EPSTI1: variants seen among roughly 807,000 people sequenced by gnomAD.
The protein encoded by EPSTI1 is epithelial-stromal interaction protein 1.
EPSTI1 carries 66 observed loss-of-function variants against 49.9 expected under a neutral mutation model. That is an observed-to-expected ratio of 1.32 (90% CI 1.08 to 1.62). EPSTI1 has a LOEUF of 1.62. EPSTI1 is among the 40% of genes most tolerant of loss of function. The pLI is 0.00. For synonymous variants in EPSTI1, 137 were observed against 130.7 expected (o/e 1.05, Z -0.33); for missense variants, 394 against 365.5 (o/e 1.08, Z -0.64).
At chr13:42,909,504 C>T (rs1261987777) in intron 8 of EPSTI1, among the ~76,000 whole-genome samples, 1 of 152,178 alleles carries the variant, frequency 6.6e-6, no homozygotes, top group Admixed American at 6.5e-5. Flanking sequence ...TATTGCAGTA[C>T]TGTTCACAAT....
At chr13:42,965,071 G>T (rs1210309925) in intron 3 of EPSTI1, among the ~76,000 whole-genome samples, 2 of 152,148 alleles carry the variant, frequency 1.3e-5, no homozygotes, top group Non-Finnish European at 2.9e-5. Flanking sequence ...GTTTGGTGTT[G>T]GCCCTTTGAC....
intron 10 of EPSTI1, among the ~76,000 whole-genome samples, chr13:42,888,883 G>A (rs906705230): frequency 2.0e-5 from 3 of 152,280 alleles, no homozygotes; most frequent in East Asian, 1.9e-4. Flanking sequence ...GTAGGGTTAC[G>A]CTGTATTATA....
At chr13:42,896,232 T>TA (rs1384790714) in intron 9 of EPSTI1, among the ~76,000 whole-genome samples, 1 of 152,174 alleles carries the variant, frequency 6.6e-6, no homozygotes, top group Admixed American at 6.5e-5. Flanking sequence ...CCATAAAATC[T>TA]ACCCAAGTGC....
chr13:42,976,832 A>T (rs2039891142), intron 1 of EPSTI1, among the ~76,000 whole-genome samples: 1 of 152,200 alleles, frequency 6.6e-6, no homozygotes, highest in Admixed American at 6.5e-5. Flanking sequence ...CCACAATTAC[A>T]ATTTTATTTG....
intron 5 of EPSTI1, among the ~76,000 whole-genome samples, chr13:42,962,776 T>C (rs901479975): frequency 6.6e-6 from 1 of 150,976 alleles, no homozygotes; most frequent in Non-Finnish European, 1.5e-5. Flanking sequence ...TGAGACCCCG[T>C]CTCAAAAAAA....
intron 7 of EPSTI1, among the ~76,000 whole-genome samples, chr13:42,920,152 C>G (rs537031875): frequency 4.7e-4 from 72 of 152,260 alleles, no homozygotes; most frequent in African/African-American, 1.7e-3. Context: ...AAGATGCTAT[C>G]TCTGAATAAG....
intron 8 of EPSTI1, among the ~76,000 whole-genome samples, chr13:42,901,538 T>A (rs1169892176): frequency 2.0e-5 from 3 of 152,172 alleles, no homozygotes; most frequent in Admixed American, 6.5e-5. Context: ...CAATAAGCAT[T>A]TGTTATACAC....
intron 6 of EPSTI1, among the ~76,000 whole-genome samples, chr13:42,949,354 C>T (rs1235567882): frequency 6.6e-6 from 1 of 152,130 alleles, no homozygotes; most frequent in East Asian, 1.9e-4. Context: ...CTTTGGGAGG[C>T]CGAGGCAGGT....
chr13:42,978,438 CT>C (rs1254413616), intron 1 of EPSTI1, among the ~76,000 whole-genome samples: 1 of 152,144 alleles, frequency 6.6e-6, no homozygotes, highest in Non-Finnish European at 1.5e-5. Context: ...TCTGATTCGC[CT>C]TTCCAAAGAA....
At chr13:42,929,900 A>C (rs1324495127) in intron 6 of EPSTI1, among the ~76,000 whole-genome samples, 2 of 152,198 alleles carry the variant, frequency 1.3e-5, no homozygotes, top group East Asian at 3.8e-4. Context: ...ATAGAACAAT[A>C]GTTTCCAGAA....
intron 10 of EPSTI1, 99 bp from the exon 11 acceptor site, chr13:42,888,601 A>G (rs1187518148): frequency 3.6e-5 from 46 of 1,269,398 alleles, no homozygotes; most frequent in Middle Eastern, 2.6e-4. Flanking sequence ...GCTCTTATGC[A>G]TCAAGCTGAA....
intron 1 of EPSTI1, among the ~76,000 whole-genome samples, chr13:42,979,263 G>T (rs116543064): frequency 0.011 from 1,638 of 152,254 alleles, 27 homozygotes; most frequent in African/African-American, 0.036. Flanking sequence ...ACCTAAAATT[G>T]TATTTCCCCC....
intron 8 of EPSTI1, among the ~76,000 whole-genome samples, chr13:42,914,252 T>C: frequency 6.6e-6 from 1 of 152,206 alleles, no homozygotes; most frequent in Non-Finnish European, 1.5e-5. Context: ...ACTCCTCCCT[T>C]AAAATGTAAA....
Position 42,978,344 on chromosome 13 carries a change from A to G in EPSTI1, c.189-7674T>C, listed in dbSNP as rs376540946. Reference sequence around the variant, plus strand: ...TAGTCCAGAAAGGCAGGACAACTGGAAGCAAAGGTGGGACAACGCATAGCG... The same window carrying G: ...TAGTCCAGAAAGGCAGGACAACTGGGAGCAAAGGTGGGACAACGCATAGCG... On this transcript the variant is annotated intron_variant, in intron 1 of 10. Coordinates refer to ENST00000313624, the MANE Select transcript of EPSTI1 (RefSeq NM_033255.5). Among the ~76,000 whole-genome samples the G allele has an allele frequency of 2.0e-5, 3 of 152,298 alleles. No homozygotes were observed. In the South Asian group the frequency reaches 6.2e-4, roughly 32 times the overall value.
At chr13:42,934,495 T>G (rs2038491067) in intron 6 of EPSTI1, 1 of 152,442 alleles carries the variant, frequency 6.6e-6, no homozygotes, top group South Asian at 2.1e-4. Flanking sequence ...TTCTGGTCGA[T>G]TTGGTGGTAT....
chr13:42,948,927 C>G (rs2039007086), intron 6 of EPSTI1, among the ~76,000 whole-genome samples: 1 of 152,102 alleles, frequency 6.6e-6, no homozygotes, highest in African/African-American at 2.4e-5. Context: ...CCCTTGTAGC[C>G]AAGTGGATTC....
chr13:42,934,739 G>A (rs1490398550), intron 6 of EPSTI1: 3 of 181,890 alleles, frequency 1.6e-5, no homozygotes, highest in Non-Finnish European at 3.7e-5. Flanking sequence ...GAGGTGACTG[G>A]GCCCCATGCC....
chr13:42,919,584 C>T (rs189938381), intron 7 of EPSTI1, among the ~76,000 whole-genome samples: 11 of 152,276 alleles, frequency 7.2e-5, no homozygotes, highest in East Asian at 1.9e-4. Context: ...TGTCAGGACA[C>T]GATCCCAGGC....
At chr13:42,978,496 A>G (rs2039924567) in intron 1 of EPSTI1, among the ~76,000 whole-genome samples, 1 of 152,228 alleles carries the variant, frequency 6.6e-6, no homozygotes, top group African/African-American at 2.4e-5. Context: ...GCTGACTTTG[A>G]ATAGAATGCA....
Sources: allele counts gnomAD v4.1 joint callset (sites outside exome capture counted in the v4.1 genomes callset), GRCh38; gene constraint gnomAD v4.1.1; transcripts MANE v1.5; gene names NCBI Gene and HGNC (gene_info 2026-07-23, HGNC 2026-07-21).